The following CNTN4 variants were observed in gnomAD, a reference collection of about 807,000 sequenced individuals.
CNTN4 encodes contactin-4.
CNTN4 carries 77 observed loss-of-function variants against 122.5 expected under a neutral mutation model. That is an observed-to-expected ratio of 0.63 (90% CI 0.52 to 0.76). The LOEUF (loss-of-function observed/expected upper bound fraction) is 0.76, where lower values mean the gene tolerates loss of function less well. Among genes scored for constraint, CNTN4 ranks in the 30% least tolerant of loss-of-function variants. The pLI is 0.00. For synonymous variants in CNTN4, 512 were observed against 447.0 expected (o/e 1.15, Z -1.83); for missense variants, 1,256 against 1,259.1 (o/e 1.00, Z 0.04).
intron 14 of CNTN4, among the ~76,000 whole-genome samples, chr3:2,997,202 C>A (rs1363752934): frequency 6.6e-6 from 1 of 152,212 alleles, no homozygotes; most frequent in Non-Finnish European, 1.5e-5. Context: ...AACTTAGGCA[C>A]TTTTACCTTC....
chr3:2,419,181 A>C lies in CNTN4; in HGVS notation c.-89+79948A>C, dbSNP rs1181489349. Among the ~76,000 whole-genome samples, 3 of 152,336 alleles carry C rather than the reference A, an allele frequency of 2.0e-5. No homozygotes were observed. In the East Asian group the frequency reaches 5.8e-4, roughly 29 times the overall value. On this transcript the variant is annotated intron_variant, in intron 3 of 24. Transcript: ENST00000418658. The stretch of plus-strand genomic sequence containing the variant: ...TATATTCCAATTATTGCAAGTAATC[A>C]ATCATATACCAGGTAATTTCCTGAC...
rs749317669 is a variant in CNTN4 at position 2,900,647 on chromosome 3, T to G, written c.941-38T>G. On this transcript the variant is annotated intron_variant, in intron 10 of 24. Coordinates refer to ENST00000418658, the MANE Select transcript of CNTN4 (RefSeq NM_175607.3). ...TGATAAAAATAGATTGAGTACACAC[T>G]GAATATACACCTTTCTTTGCTTTTT... The G allele has an allele frequency of 1.2e-5, 20 of 1,607,876 alleles. No individual in the cohort carries two copies. In the Middle Eastern group the frequency reaches 8.3e-4, roughly 67 times the overall value.
At position 2,752,406 on chromosome 3, in the gene CNTN4, C is replaced by T. The variant is rs554422630; in HGVS notation, c.358+6709C>T. Among the ~76,000 whole-genome samples, 6 of 152,292 alleles carry T rather than the reference C, an allele frequency of 3.9e-5. No individual in the cohort carries two copies. In the East Asian group the frequency reaches 1.2e-3, roughly 29 times the overall value. On this transcript the variant is annotated intron_variant, in intron 6 of 24. Transcript: ENST00000418658. ...GTTGAGGTGGAGTCTCGCTCTGTCA[C>T]CCAGGCTGCAGTGCAGTGGCACGAT...
intron 4 of CNTN4, among the ~76,000 whole-genome samples, chr3:2,602,895 A>T (rs1200200033): frequency 5.3e-5 from 8 of 152,168 alleles, no homozygotes; most frequent in Non-Finnish European, 1.0e-4. Context: ...GGCTTAAGTA[A>T]GGGGGGTTCC....
chr3:2,848,918 G>A (rs1358720779), intron 7 of CNTN4, among the ~76,000 whole-genome samples: 6 of 152,162 alleles, frequency 3.9e-5, no homozygotes, highest in Admixed American at 1.3e-4. Context: ...AGCCTCACTC[G>A]TATAGCATCT....
intron 3 of CNTN4, among the ~76,000 whole-genome samples, chr3:2,401,851 A>G (rs913100520): frequency 6.6e-6 from 1 of 152,204 alleles, no homozygotes; most frequent in Non-Finnish European, 1.5e-5. Flanking sequence ...ACTTTAACCG[A>G]AAGCTCAAGA....
chr3:2,743,962 G>A (rs540346355), intron 5 of CNTN4, among the ~76,000 whole-genome samples: 1 of 152,178 alleles, frequency 6.6e-6, no homozygotes, highest in East Asian at 1.9e-4. Flanking sequence ...AAGCATGCAT[G>A]CACCACCACA....
At chr3:2,453,632 CTA>C (rs1408273896) in intron 3 of CNTN4, among the ~76,000 whole-genome samples, 1 of 152,090 alleles carries the variant, frequency 6.6e-6, no homozygotes, top group Non-Finnish European at 1.5e-5. Flanking sequence ...GCTCTTTTAA[CTA>C]TGTGCTGTTA....
chr3:2,983,147 G>A lies in CNTN4; in HGVS notation c.1359-5198G>A, dbSNP rs531779662. Among the ~76,000 whole-genome samples the A allele has an allele frequency of 3.0e-5, 4 of 133,844 alleles. No homozygotes were observed. The East Asian group carries it at 9.7e-4, about 32-fold the overall frequency. The allele number at this position is 133,844 out of a possible 152,430, so 87.8% of individuals were successfully genotyped here. A position where few individuals can be genotyped will look rare whatever the true frequency, so the allele number is the denominator to read the frequency against. On this transcript the variant is annotated intron_variant, in intron 13 of 24. Coordinates refer to ENST00000418658, the MANE Select transcript of CNTN4 (RefSeq NM_175607.3). Reference sequence around the variant, plus strand: ...GAGAATGGTATGAACCCTGGAGGTGGAGCTTGCAGTGAGCCGAGATCGCAG... The same window carrying A: ...GAGAATGGTATGAACCCTGGAGGTGAAGCTTGCAGTGAGCCGAGATCGCAG...
intron 14 of CNTN4, among the ~76,000 whole-genome samples, chr3:3,018,617 T>C (rs78263259): frequency 0.031 from 4,770 of 152,196 alleles, 234 homozygotes; most frequent in African/African-American, 0.11. Flanking sequence ...AAAATGTAAG[T>C]TGATTAAGCA....
chr3:2,343,255 A>T (rs1362826423), intron 3 of CNTN4, among the ~76,000 whole-genome samples: 2 of 152,148 alleles, frequency 1.3e-5, no homozygotes, highest in African/African-American at 4.8e-5. Context: ...TAACAAAGGG[A>T]TTAGAGGCTA....
intron 6 of CNTN4, among the ~76,000 whole-genome samples, chr3:2,762,578 G>C (rs2090639483): frequency 6.6e-6 from 1 of 152,142 alleles, no homozygotes; most frequent in African/African-American, 2.4e-5. Flanking sequence ...GTCTATCATT[G>C]ATGCGCTTTT....
intron 2 of CNTN4, among the ~76,000 whole-genome samples, chr3:2,106,684 A>C (rs2032474657): frequency 2.6e-5 from 4 of 152,198 alleles, no homozygotes; most frequent in Admixed American, 2.0e-4. Context: ...GGCTGCCGCC[A>C]AGATCTCTGT....
At chr3:2,226,230 G>A (rs1009209270) in intron 2 of CNTN4, among the ~76,000 whole-genome samples, 5 of 152,186 alleles carry the variant, frequency 3.3e-5, no homozygotes, top group Admixed American at 2.6e-4. Context: ...TCTTCAGGTA[G>A]ATTATAATAT....
intron 2 of CNTN4, among the ~76,000 whole-genome samples, chr3:2,328,278 C>G (rs77001643): frequency 6.7e-6 from 1 of 149,084 alleles, no homozygotes; most frequent in Non-Finnish European, 1.5e-5. Context: ...TGGTGGCGGG[C>G]GCCTGTAGTC....
At chr3:2,967,765 G>A (rs1692476180) in intron 13 of CNTN4, among the ~76,000 whole-genome samples, 2 of 151,442 alleles carry the variant, frequency 1.3e-5, no homozygotes, top group Admixed American at 6.6e-5. Context: ...AAACTGGTGT[G>A]TATATGAACA....
At chr3:3,035,344 T>C (rs1157199552) in intron 17 of CNTN4, among the ~76,000 whole-genome samples, 1 of 151,736 alleles carries the variant, frequency 6.6e-6, no homozygotes, top group African/African-American at 2.4e-5. Context: ...GCTGGTTGTA[T>C]ATGTATTTTC....
At chr3:2,365,079 A>C in intron 3 of CNTN4, among the ~76,000 whole-genome samples, 1 of 152,046 alleles carries the variant, frequency 6.6e-6, no homozygotes, top group Non-Finnish European at 1.5e-5. Context: ...GGAAACTCCT[A>C]TGGTTGTTCT....
At chr3:2,670,648 G>A (rs189077410) in intron 4 of CNTN4, among the ~76,000 whole-genome samples, 2 of 152,168 alleles carry the variant, frequency 1.3e-5, no homozygotes, top group Non-Finnish European at 2.9e-5. Flanking sequence ...GATGTTAGCT[G>A]GTTAGTTTGC....
Sources: gnomAD v4.1 joint callset for allele counts (sites outside exome capture counted in the v4.1 genomes callset) on GRCh38, gnomAD v4.1.1 for gene constraint, MANE v1.5 for transcripts, NCBI Gene and HGNC (gene_info 2026-07-23, HGNC 2026-07-21) for gene names.